Variants in SPOCK1 observed in about 807,000 individuals in gnomAD.
SPOCK1 encodes SPARC (osteonectin), cwcv and kazal like domains proteoglycan 1, also known as testican-1.
In SPOCK1, 23 loss-of-function variants were observed where a neutral mutation model predicts 55.3. That is an observed-to-expected ratio of 0.42 (90% CI 0.30 to 0.59). SPOCK1 has a LOEUF of 0.59. Among genes scored for constraint, SPOCK1 ranks in the 20% least tolerant of loss-of-function variants. The pLI is 0.22. For synonymous variants in SPOCK1, 226 were observed against 221.0 expected (o/e 1.02, Z -0.20); for missense variants, 499 against 552.5 (o/e 0.90, Z 0.97).
At chr5:137,010,840 C>G (rs1751335327) in intron 6 of SPOCK1, among the ~76,000 whole-genome samples, 1 of 152,146 alleles carries the variant, frequency 6.6e-6, no homozygotes, top group South Asian at 2.1e-4. Context: ...GCTATCCCAC[C>G]CTGATAACAC....
intron 2 of SPOCK1, among the ~76,000 whole-genome samples, chr5:137,379,759 C>A (rs1751419522): frequency 6.6e-6 from 1 of 152,174 alleles, no homozygotes; most frequent in Admixed American, 6.5e-5. Context: ...GCAGTGCCAC[C>A]ACACCAGTCA....
At chr5:137,252,379 C>T (rs896094234) in intron 3 of SPOCK1, among the ~76,000 whole-genome samples, 2 of 152,196 alleles carry the variant, frequency 1.3e-5, no homozygotes, top group African/African-American at 4.8e-5. Context: ...TAGAGCAATA[C>T]AGAGCAACGG....
At chr5:137,022,143 A>G (rs1751590036) in intron 6 of SPOCK1, among the ~76,000 whole-genome samples, 1 of 152,112 alleles carries the variant, frequency 6.6e-6, no homozygotes, top group Non-Finnish European at 1.5e-5. Context: ...TAAAGGTGAC[A>G]GAGCTTCCCC....
chr5:137,264,928 C>G (rs1403463362), intron 3 of SPOCK1, among the ~76,000 whole-genome samples: 1 of 152,142 alleles, frequency 6.6e-6, no homozygotes, highest in Non-Finnish European at 1.5e-5. Flanking sequence ...CCCTGAGGTA[C>G]AAAGTGGGGA....
chr5:137,241,939 C>A (rs1422112080), intron 3 of SPOCK1, among the ~76,000 whole-genome samples: 1 of 152,194 alleles, frequency 6.6e-6, no homozygotes, highest in Non-Finnish European at 1.5e-5. Context: ...TATTGAAGAA[C>A]TGGCACAGGT....
At chr5:137,051,585 A>C (rs1303636253) in intron 6 of SPOCK1, among the ~76,000 whole-genome samples, 1 of 152,232 alleles carries the variant, frequency 6.6e-6, no homozygotes, top group African/African-American at 2.4e-5. Flanking sequence ...TAAAAACCTC[A>C]AAATCTTAGT....
At chr5:137,130,953 A>G (rs1171354930) in intron 4 of SPOCK1, among the ~76,000 whole-genome samples, 2 of 152,252 alleles carry the variant, frequency 1.3e-5, no homozygotes, top group African/African-American at 4.8e-5. Flanking sequence ...AACATTAAAC[A>G]TAGAACATCA....
intron 3 of SPOCK1, among the ~76,000 whole-genome samples, chr5:137,252,170 C>A (rs1251480328): frequency 6.6e-6 from 1 of 152,192 alleles, no homozygotes; most frequent in East Asian, 1.9e-4. Flanking sequence ...AGGTGATCCA[C>A]CCGCCTCGGC....
chr5:137,028,199 C>T (rs148938380), intron 6 of SPOCK1, among the ~76,000 whole-genome samples: 6 of 152,268 alleles, frequency 3.9e-5, no homozygotes, highest in African/African-American at 1.4e-4. Context: ...AGGTGAAGGG[C>T]TGAAGGAGTA....
At chr5:137,491,031 G>A (rs1429570407) in intron 2 of SPOCK1, among the ~76,000 whole-genome samples, 2 of 152,094 alleles carry the variant, frequency 1.3e-5, no homozygotes, top group African/African-American at 2.4e-5. Context: ...AGATCATTAC[G>A]AATTAAAATA....
intron 2 of SPOCK1, among the ~76,000 whole-genome samples, chr5:137,303,828 C>A (rs1401829130): frequency 2.6e-5 from 4 of 152,194 alleles, no homozygotes. Context: ...CGCCTGGGAC[C>A]CTGAGCAGGA....
intron 2 of SPOCK1, among the ~76,000 whole-genome samples, chr5:137,431,555 C>T (rs1174330408): frequency 1.3e-5 from 2 of 152,124 alleles, no homozygotes; most frequent in South Asian, 4.2e-4. Flanking sequence ...GGAGGTGGGA[C>T]CCAGTGGGGA....
rs981957150 is a variant in SPOCK1 at position 137,185,295 on chromosome 5, T to C, written c.233-44601A>G. 2.0e-5 allele frequency among the ~76,000 whole-genome samples: 3 copies of C among 152,284 alleles called. No homozygotes were observed. In the East Asian group the frequency reaches 5.8e-4, roughly 29 times the overall value. ...AAGGGATTACACAGGTTACACTCCA[T>C]TCATTTCAAATTTACTTGCTCCAAG... On this transcript the variant is annotated intron_variant, in intron 3 of 10. Transcript: ENST00000394945.
intron 2 of SPOCK1, among the ~76,000 whole-genome samples, chr5:137,349,659 T>G (rs1750632718): frequency 6.6e-6 from 1 of 152,228 alleles, no homozygotes; most frequent in African/African-American, 2.4e-5. Flanking sequence ...CATGCCACTC[T>G]CCTGGCTTCT....
At chr5:137,334,267 A>G (rs1457883120) in intron 2 of SPOCK1, among the ~76,000 whole-genome samples, 1 of 152,216 alleles carries the variant, frequency 6.6e-6, no homozygotes, top group Non-Finnish European at 1.5e-5. Context: ...GATTAATAGA[A>G]GAGGTGACTT....
At position 136,978,550 on chromosome 5, in the gene SPOCK1, C is replaced by T; in HGVS notation, c.*104G>A. On this transcript the variant is annotated 3_prime_UTR_variant, in exon 11 of 11. Coordinates refer to ENST00000394945, the MANE Select transcript of SPOCK1 (RefSeq NM_004598.4). ...ACCTTAGGTCGGGTATAGAGAGCAA[C>T]AATGGAGAAGAGACCTTGGTGCCTT... The T allele has an allele frequency of 7.7e-7, 1 of 1,297,764 alleles. No homozygotes were observed. The highest frequency in any genetic ancestry group is 1.5e-5 in the South Asian group (1 of 65,826). 80.4% of individuals were successfully genotyped at this position (1,297,764 alleles called of 1,614,324 possible).
chr5:137,346,611 T>C (rs908117680), intron 2 of SPOCK1, among the ~76,000 whole-genome samples: 1 of 152,168 alleles, frequency 6.6e-6, no homozygotes, highest in Non-Finnish European at 1.5e-5. Flanking sequence ...TAAAGCGCCA[T>C]ATAAACAGGA....
chr5:137,291,708 C>T (rs1225789134), intron 2 of SPOCK1, among the ~76,000 whole-genome samples: 1 of 152,188 alleles, frequency 6.6e-6, no homozygotes, highest in East Asian at 1.9e-4. Context: ...ACATGCCCTG[C>T]CTGGAGTGGT....
At chr5:137,250,441 C>A (rs1328244007) in intron 3 of SPOCK1, among the ~76,000 whole-genome samples, 2 of 152,168 alleles carry the variant, frequency 1.3e-5, no homozygotes, top group Non-Finnish European at 2.9e-5. Context: ...TCAGCACGTA[C>A]TAGTTTTTTA....
Sources: allele counts gnomAD v4.1 joint callset (sites outside exome capture counted in the v4.1 genomes callset), GRCh38; gene constraint gnomAD v4.1.1; transcripts MANE v1.5; gene names NCBI Gene and HGNC (gene_info 2026-07-23, HGNC 2026-07-21).